PDSS2: variants seen among roughly 807,000 people sequenced by gnomAD.
PDSS2 encodes all trans-polyprenyl-diphosphate synthase PDSS2.
Under a neutral mutation model 44.5 loss-of-function variants are expected in PDSS2, and 31 were observed. The observed-to-expected ratio is 0.70, with a 90% CI of 0.52 to 0.94. The LOEUF (loss-of-function observed/expected upper bound fraction) is 0.94, where lower values mean the gene tolerates loss of function less well. Ranked by LOEUF, PDSS2 falls within the 40% of genes least tolerant of loss-of-function variation. The pLI, the probability that PDSS2 is intolerant of heterozygous loss-of-function variation, is 0.00. For missense variants in PDSS2, 452 were observed against 482.2 expected (o/e 0.94, Z 0.59); for synonymous variants, 157 against 180.3 (o/e 0.87, Z 1.03).
At chr6:107,436,123 T>C (rs1482585397) in intron 1 of PDSS2, among the ~76,000 whole-genome samples, 2 of 152,234 alleles carry the variant, frequency 1.3e-5, no homozygotes, top group East Asian at 1.9e-4. Context: ...CTCTCTAGTA[T>C]AGCTACTTTT....
chr6:107,382,643 G>T (rs1376863300), intron 1 of PDSS2, among the ~76,000 whole-genome samples: 1 of 152,082 alleles, frequency 6.6e-6, no homozygotes, highest in Non-Finnish European at 1.5e-5. Context: ...TTCAAGACTA[G>T]CCTGGACAAC....
intron 3 of PDSS2, among the ~76,000 whole-genome samples, chr6:107,251,931 C>T (rs76817046): frequency 2.8e-3 from 427 of 152,250 alleles, no homozygotes; most frequent in African/African-American, 9.9e-3. Context: ...GTGGCACCCT[C>T]CCATAGAGAC....
At chr6:107,252,117 G>A (rs1472690096) in intron 3 of PDSS2, among the ~76,000 whole-genome samples, 1 of 152,154 alleles carries the variant, frequency 6.6e-6, no homozygotes, top group Non-Finnish European at 1.5e-5. Context: ...GGCCAAATGA[G>A]GGGTGAATCT....
At chr6:107,264,299 C>A in intron 3 of PDSS2, 1 of 1,423,672 alleles carries the variant, frequency 7.0e-7, no homozygotes, top group Non-Finnish European at 9.2e-7. Flanking sequence ...ATATTTACGC[C>A]TTTAGGAAAA....
At chr6:107,247,286 C>T (rs1019756871) in intron 3 of PDSS2, among the ~76,000 whole-genome samples, 12 of 152,184 alleles carry the variant, frequency 7.9e-5, no homozygotes, top group African/African-American at 2.9e-4. Flanking sequence ...GAAAGTCTGA[C>T]GCTAAATGTC....
At chr6:107,254,797 C>T (rs1562411102) in intron 3 of PDSS2, among the ~76,000 whole-genome samples, 1 of 152,186 alleles carries the variant, frequency 6.6e-6, no homozygotes, top group Non-Finnish European at 1.5e-5. Context: ...TTGGCTAGCA[C>T]ACTGCCTTCT....
At chr6:107,432,343 C>A (rs1781216736) in intron 1 of PDSS2, among the ~76,000 whole-genome samples, 1 of 152,156 alleles carries the variant, frequency 6.6e-6, no homozygotes, top group Admixed American at 6.5e-5. Context: ...AAAGCAAAAA[C>A]ATTCTATTTT....
At chr6:107,184,866 C>A in intron 7 of PDSS2, among the ~76,000 whole-genome samples, 1 of 150,014 alleles carries the variant, frequency 6.7e-6, no homozygotes. Flanking sequence ...TAAGCATGAG[C>A]AATTATTTCT....
intron 7 of PDSS2, among the ~76,000 whole-genome samples, chr6:107,159,571 C>G (rs1268656059): frequency 6.6e-6 from 1 of 151,864 alleles, no homozygotes; most frequent in Non-Finnish European, 1.5e-5. Context: ...CACGTGCCAC[C>G]ATGCCCGGCT....
chr6:107,225,462 C>A lies in PDSS2; in HGVS notation c.703-13180G>T, dbSNP rs150160472. 3.1e-3 allele frequency among the ~76,000 whole-genome samples: 465 copies of A among 151,818 alleles called. 1 individual carries two copies. Among genetic ancestry groups the A allele is most frequent in the Non-Finnish European group, 4.6e-3 (313 of 67,964 alleles). Reference sequence around the variant, plus strand: ...CACCATGCCTGGCCTTCTTCACTATCTTTTATAACCTAATCTTGGAAGTAA... The same window carrying A: ...CACCATGCCTGGCCTTCTTCACTATATTTTATAACCTAATCTTGGAAGTAA... On this transcript the variant is annotated intron_variant, in intron 4 of 7. Transcript: ENST00000369037.
At position 107,210,505 on chromosome 6, in the gene PDSS2, G is replaced by C; in HGVS notation, c.942C>G (p.Asn314Lys). 4 of 1,602,840 alleles carry C rather than the reference G, an allele frequency of 2.5e-6. No homozygotes were observed. Among genetic ancestry groups the C allele is most frequent in the Non-Finnish European group, 3.4e-6 (4 of 1,169,916 alleles). The stretch of plus-strand genomic sequence containing the variant: ...CCTGATGTAAGACTACAGGAGCTGA[G>C]TTTAGATTAAAAGTCATGGAGTCAC... ...KTSDSMTFNL[N>K]SAPVVLHQEF... Residue 314 changes from asparagine to lysine, a missense_variant, in exon 6 of 8, where the codon AAC (asparagine) becomes AAG (lysine). Physicochemically the swap from Asn to Lys is moderately conservative, Grantham distance 94. Transcript: ENST00000369037.
chr6:107,194,788 T>C (rs1772496600), intron 6 of PDSS2, among the ~76,000 whole-genome samples: 2 of 151,864 alleles, frequency 1.3e-5, no homozygotes, highest in African/African-American at 4.8e-5. Flanking sequence ...CCGTCTCTAT[T>C]AAAAATACAA....
intron 2 of PDSS2, among the ~76,000 whole-genome samples, chr6:107,281,352 T>TC (rs1355473614): frequency 6.6e-6 from 1 of 152,226 alleles, no homozygotes; most frequent in African/African-American, 2.4e-5. Context: ...AACACTGCAC[T>TC]CTTTCAAGTC....
intron 2 of PDSS2, among the ~76,000 whole-genome samples, chr6:107,286,784 C>G (rs1776167310): frequency 6.6e-6 from 1 of 152,090 alleles, no homozygotes; most frequent in African/African-American, 2.4e-5. Context: ...GTGGCTCACA[C>G]CTGTAATCCC....
chr6:107,233,023 C>G (rs2114743233), intron 4 of PDSS2, among the ~76,000 whole-genome samples: 1 of 152,158 alleles, frequency 6.6e-6, no homozygotes, highest in Middle Eastern at 3.4e-3. Flanking sequence ...CAACATGTTG[C>G]CCAGACTGGT....
intron 7 of PDSS2, among the ~76,000 whole-genome samples, chr6:107,193,129 G>A (rs1422841413): frequency 6.6e-6 from 1 of 152,230 alleles, no homozygotes; most frequent in Non-Finnish European, 1.5e-5. Context: ...ACCCAAGTGT[G>A]TTCCTAGGCC....
intron 1 of PDSS2, among the ~76,000 whole-genome samples, chr6:107,358,478 AG>A (rs1169248675): frequency 1.3e-5 from 2 of 152,196 alleles, no homozygotes; most frequent in African/African-American, 4.8e-5. Context: ...ATGTTCTTAT[AG>A]TGATATTTTT....
At chr6:107,381,009 G>A (rs1779438178) in intron 1 of PDSS2, among the ~76,000 whole-genome samples, 1 of 152,192 alleles carries the variant, frequency 6.6e-6, no homozygotes, top group South Asian at 2.1e-4. Flanking sequence ...TTAGTGTGAA[G>A]GAAAGCAGAA....
intron 1 of PDSS2, among the ~76,000 whole-genome samples, chr6:107,347,251 ATCT>A (rs1251876603): frequency 7.2e-6 from 1 of 138,268 alleles, no homozygotes; most frequent in Non-Finnish European, 1.5e-5. Context: ...CTAAAATTAT[ATCT>A]TCTTTTTTTT....
Sources: gnomAD v4.1 joint callset for allele counts (sites outside exome capture counted in the v4.1 genomes callset) on GRCh38, gnomAD v4.1.1 for gene constraint, MANE v1.5 for transcripts, NCBI Gene and HGNC (gene_info 2026-07-23, HGNC 2026-07-21) for gene names.